The following DMRTC2 variants were observed in gnomAD, a reference collection of about 807,000 sequenced individuals.
The protein encoded by DMRTC2 is DMRT like family C2, also known as doublesex- and mab-3-related transcription factor C2.
DMRTC2 carries 13 observed loss-of-function variants against 39.9 expected under a neutral mutation model. The observed-to-expected ratio is 0.33, with a 90% CI of 0.21 to 0.52. The LOEUF (loss-of-function observed/expected upper bound fraction) is 0.52. DMRTC2 is among the 20% of genes least tolerant of loss of function. The pLI is 0.96. For missense variants in DMRTC2, 431 were observed against 472.8 expected (o/e 0.91, Z 0.82); for synonymous variants, 189 against 185.2 (o/e 1.02, Z -0.17).
chr19:41,845,015 A>G (rs183861524), upstream of DMRTC2: 1 of 152,358 alleles, frequency 6.6e-6, no homozygotes, highest in African/African-American at 2.4e-5. Flanking sequence ...TAAGAAAAGC[A>G]GCGCGAGCTT....
intron 8 of DMRTC2, 135 bp downstream of exon 8, chr19:41,850,835 C>A: frequency 1.1e-6 from 1 of 897,730 alleles, no homozygotes; most frequent in Non-Finnish European, 1.6e-6. Flanking sequence ...GCTCCTCAGC[C>A]TGGCCCCTGG....
Position 41,848,439 on chromosome 19 carries a change from TG to T in DMRTC2, c.371-11del. 6.3e-7 allele frequency: 1 copy of T among 1,594,906 alleles called. No individual in the cohort carries two copies. Among genetic ancestry groups the T allele is most frequent in the South Asian group, 1.1e-5 (1 of 87,458 alleles). ...AGAAAGGGCTCATTAGAGCTCTCCC[TG>T]GTCCTTCACAGCTGGAAAGGAGAAC... is the stretch of plus-strand genomic sequence containing the variant. On this transcript the variant is annotated splice_polypyrimidine_tract_variant and intron_variant, in intron 3 of 8. Transcript: ENST00000269945.
intron 3 of DMRTC2, 66 bp downstream of exon 3, chr19:41,847,947 GC>G: frequency 6.6e-7 from 1 of 1,512,620 alleles, no homozygotes. Context: ...GGAAAAAGAG[GC>G]CCAGTCCTGC....
intron 1 of DMRTC2, among the ~76,000 whole-genome samples, chr19:41,846,868 A>G (rs1555836012): frequency 8.0e-6 from 1 of 124,890 alleles, no homozygotes; most frequent in Non-Finnish European, 1.9e-5. Flanking sequence ...CACCCGGCCT[A>G]AAAATTTTTA....
At position 41,847,605 on chromosome 19, in the gene DMRTC2, C is replaced by T; in HGVS notation, c.177C>T (p.Arg59=). 6.2e-7 allele frequency: 1 copy of T among 1,614,138 alleles called. No individual in the cohort carries two copies. Among genetic ancestry groups the T allele is most frequent in the East Asian group, 2.2e-5 (1 of 44,894 alleles). Reference sequence around the variant, plus strand: ...CCGCCCATCTCAAGGGCCACAAGCGCCTCTGCCTCTTCCAGGCTTGCGAGT... The same window carrying T: ...CCGCCCATCTCAAGGGCCACAAGCGTCTCTGCCTCTTCCAGGCTTGCGAGT... The part of the protein sequence containing the change: ...GVTAHLKGHK[R]LCLFQACECH... The change falls in exon 2 of 9, where the codon CGC becomes CGT. Residue 59 remains arginine (R), a synonymous_variant. Coordinates refer to ENST00000269945, the MANE Select transcript of DMRTC2 (RefSeq NM_001040283.3).
chr19:41,851,208 A>T (rs1357134255), intron 8 of DMRTC2: 3 of 218,210 alleles, frequency 1.4e-5, no homozygotes, highest in African/African-American at 6.9e-5. Context: ...TCTTGTCCAA[A>T]TAGTGGATTG....
chr19:41,848,645 A>T, intron 4 of DMRTC2, 117 bp downstream of exon 4: 1 of 1,429,958 alleles, frequency 7.0e-7, no homozygotes, highest in Non-Finnish European at 9.7e-7. Context: ...TATGTAATCT[A>T]GTCAAATCAC....
chr19:41,847,144 C>T, intron 1 of DMRTC2: 2 of 606,304 alleles, frequency 3.3e-6, no homozygotes. Flanking sequence ...AAGATCGTGC[C>T]ACTGCACTCC....
In DMRTC2 at chr19:41,849,194, T is replaced by G. The variant is rs781812164; in HGVS notation, c.693T>G (p.Ser231=). 1 of 1,614,146 alleles carries G rather than the reference T, an allele frequency of 6.2e-7. No homozygotes were observed. Among genetic ancestry groups the G allele is most frequent in the East Asian group, 2.2e-5 (1 of 44,878 alleles). The change falls in exon 6 of 9, where the codon TCT becomes TCG. Residue 231 remains serine, a synonymous_variant. Transcript: ENST00000269945. The stretch of plus-strand genomic sequence containing the variant: ...GGCCCTTCACCACCTGCCCAGGATC[T>G]CACCCAGTACTGACAGCTCCTCTTT... ...THGPFTTCPG[S]HPVLTAPLSG... is the part of the protein sequence containing the mutation.
intron 1 of DMRTC2, among the ~76,000 whole-genome samples, chr19:41,846,629 G>A (rs1366046111): frequency 6.6e-6 from 1 of 151,866 alleles, no homozygotes; most frequent in Admixed American, 6.6e-5. Flanking sequence ...GTGCAGTGGC[G>A]CGATCATGGC....
rs144776700 is a variant in DMRTC2, at chr19:41,851,433, G to A, written c.992-151G>A. The A allele has an allele frequency of 9.7e-4, 622 of 644,298 alleles. 6 individuals are homozygous for A. The East Asian group carries it at 0.012, about 12-fold the overall frequency. 39.9% of individuals were successfully genotyped at this position (644,298 alleles called of 1,614,324 possible). A position where few individuals can be genotyped will look rare whatever the true frequency, so the allele number is the denominator to read the frequency against. On this transcript the variant is annotated intron_variant, in intron 8 of 8. Transcript: ENST00000269945. Reference sequence around the variant, plus strand: ...GGCTTTGATGGACGGTTTGGAGGAGGCAAGACTGGAGGTGGGAAAATTAGC... The same window carrying A: ...GGCTTTGATGGACGGTTTGGAGGAGACAAGACTGGAGGTGGGAAAATTAGC...
rs782081998 is a variant in DMRTC2 at position 41,850,367 on chromosome 19, C to T, written c.811C>T (p.Pro271Ser). The change falls in exon 7 of 9, where the codon CCA (proline) becomes TCA (serine). Residue 271 changes from proline to serine, a missense_variant. By Grantham distance (74) the Pro-to-Ser change is moderately conservative. Transcript: ENST00000269945. ...CGTPDPLQLQ[P>S]QASGASCLAR... ...CACCCCAGACCCTCTTCAGCTACAG[C>T]CACAGGTCCTGGGAAAGAAGTGGGA... is the stretch of plus-strand genomic sequence containing the variant. 53 of 1,525,922 alleles carry T rather than the reference C, an allele frequency of 3.5e-5. No individual in the cohort carries two copies. The East Asian group carries it at 7.5e-4, about 22-fold the overall frequency. The allele number at this position is 1,525,922 out of a possible 1,614,324, so 94.5% of individuals were successfully genotyped here.
chr19:41,851,854 A>G lies in DMRTC2; in HGVS notation c.*158A>G. The G allele has an allele frequency of 1.5e-6, 1 of 657,724 alleles. No homozygotes were observed. Among genetic ancestry groups the G allele is most frequent in the Admixed American group, 2.8e-5 (1 of 35,412 alleles). The allele number at this position is 657,724 out of a possible 1,614,324, so 40.7% of individuals were successfully genotyped here. ...TGTTTGTTTGTTTGTTTAAGCTTTC[A>G]GGTGCTTCATTAGCTTTCAGTTCCT... On this transcript the variant is annotated 3_prime_UTR_variant, in exon 9 of 9. Transcript: ENST00000269945.
chr19:41,848,926 G>T lies in DMRTC2; in HGVS notation c.579G>T (p.Val193=). The change falls in exon 5 of 9, where the codon GTG becomes GTT. Residue 193 remains valine (V), a synonymous_variant. Coordinates refer to ENST00000269945, the MANE Select transcript of DMRTC2 (RefSeq NM_001040283.3). ...PPGFSMPPPV[V]CRLLYQEPAV... is the part of the protein sequence containing the mutation. ...GCTTCTCCATGCCACCACCAGTGGT[G>T]TGCCGCCTGCTGTACCAAGAACCTG... 3 of 1,613,932 alleles carry T rather than the reference G, an allele frequency of 1.9e-6. No homozygotes were observed. The highest frequency in any genetic ancestry group is 1.7e-6 in the Non-Finnish European group (2 of 1,180,042).
At position 41,850,494 on chromosome 19, in the gene DMRTC2, T is replaced by C. The variant is rs375466633; in HGVS notation, c.817-32T>C. ...TTAGAGGGTGGGCAGAAGCGGGGGTTCCCAGTCTGCTTGTCTCCCTTTCCC... is the reference window on the plus strand; with the variant it reads ...TTAGAGGGTGGGCAGAAGCGGGGGTCCCCAGTCTGCTTGTCTCCCTTTCCC... On this transcript the variant is annotated intron_variant, in intron 7 of 8. Transcript: ENST00000269945. 1.9e-5 allele frequency: 30 copies of C among 1,592,146 alleles called. 1 individual carries two copies. The highest frequency in any genetic ancestry group is 2.1e-5 in the Non-Finnish European group (25 of 1,168,706).
chr19:41,851,993 G>GT lies in DMRTC2; in HGVS notation c.*298dup. ...AGAGTTGTGCTATTTAAGCTGACCA[G>GT]TATCTATAAACGTGTTTGCATGAGT... On this transcript the variant is annotated 3_prime_UTR_variant, in exon 9 of 9. Transcript: ENST00000269945. The GT allele has an allele frequency of 1.1e-5, 4 of 374,428 alleles. No homozygotes were observed. Among genetic ancestry groups the GT allele is most frequent in the Non-Finnish European group, 2.0e-5 (4 of 204,014 alleles). 23.2% of individuals were successfully genotyped at this position (374,428 alleles called of 1,614,324 possible).
In DMRTC2 at chr19:41,851,793, T is replaced by C. The variant is rs933887577; in HGVS notation, c.*97T>C. Reference sequence around the variant, plus strand: ...TTACTTAAGGATTTATGCATGGAATTTAATGTAGTACAAGCTTCGGGCTTT... The same window carrying C: ...TTACTTAAGGATTTATGCATGGAATCTAATGTAGTACAAGCTTCGGGCTTT... On this transcript the variant is annotated 3_prime_UTR_variant, in exon 9 of 9. Transcript: ENST00000269945. 3.4e-5 allele frequency: 37 copies of C among 1,091,534 alleles called. No homozygotes were observed. Among genetic ancestry groups the C allele is most frequent in the Admixed American group, 2.7e-4 (13 of 47,514 alleles). 67.6% of individuals were successfully genotyped at this position (1,091,534 alleles called of 1,614,324 possible).
chr19:41,850,252 A>G (rs2073934292), intron 6 of DMRTC2, 60 bp from the exon 7 acceptor site: 1 of 1,304,536 alleles, frequency 7.7e-7, no homozygotes, highest in African/African-American at 1.5e-5. Context: ...CCCCTCTTTC[A>G]ATGTGTGCAT....
chr19:41,851,718 C>T lies in DMRTC2; in HGVS notation c.*22C>T, dbSNP rs781965235. On this transcript the variant is annotated 3_prime_UTR_variant, in exon 9 of 9. Coordinates refer to ENST00000269945, the MANE Select transcript of DMRTC2 (RefSeq NM_001040283.3). ...CTAGAAACCCAGAGATGGAGGCTGT[C>T]TTGCTATGGCAGGGAGGTGACAGCC... 7 of 1,606,100 alleles carry T rather than the reference C, an allele frequency of 4.4e-6. No homozygotes were observed. Among genetic ancestry groups the T allele is most frequent in the Non-Finnish European group, 5.1e-6 (6 of 1,172,936 alleles).
Sources: gnomAD v4.1 joint callset for allele counts (sites outside exome capture counted in the v4.1 genomes callset) on GRCh38, gnomAD v4.1.1 for gene constraint, MANE v1.5 for transcripts, NCBI Gene and HGNC (gene_info 2026-07-23, HGNC 2026-07-21) for gene names.